Variants in CHUK observed in about 807,000 individuals in gnomAD.
The protein encoded by CHUK is inhibitor of nuclear factor kappa-B kinase subunit alpha.
In CHUK, 35 loss-of-function variants were observed where a neutral mutation model predicts 104.8. The observed-to-expected ratio is 0.33, with a 90% CI of 0.26 to 0.44. CHUK has a LOEUF of 0.44. Ranked by LOEUF, CHUK falls within the 20% of genes least tolerant of loss-of-function variation. The pLI, the probability that CHUK is intolerant of heterozygous loss-of-function variation, is 1.00. For missense variants in CHUK, 663 were observed against 902.7 expected (o/e 0.73, Z 3.40); for synonymous variants, 276 against 291.9 (o/e 0.95, Z 0.56).
At position 100,222,878 on chromosome 10, in the gene CHUK, T is replaced by C. The variant is rs746053958; in HGVS notation, c.303A>G (p.Gly101=). Residue 101 remains glycine (G), a synonymous_variant, in exon 3 of 21, where the codon GGA becomes GGG. Coordinates refer to ENST00000370397, the MANE Select transcript of CHUK (RefSeq NM_001278.5). The part of the protein sequence containing the change: ...PLLAMEYCSG[G]DLRKLLNKPE... ...ACATCCACACTACCTTTCGGAGATC[T>C]CCTCCAGAACAGTATTCCATTGCTA... The C allele has an allele frequency of 6.5e-6, 10 of 1,544,406 alleles. No homozygotes were observed. In the East Asian group the frequency reaches 2.2e-4, roughly 35 times the overall value.
At chr10:100,228,993 G>GCACACACACACACACACACACA (rs59218517) in intron 1 of CHUK, among the ~76,000 whole-genome samples, 18 of 133,556 alleles carry the variant, frequency 1.3e-4, no homozygotes, top group East Asian at 9.2e-4. Context: ...GCGCGCGCGC[G>GCACACACACACACACACACACA]CACACACACA....
In CHUK at chr10:100,194,135, G is replaced by C. The variant is rs757969477; in HGVS notation, c.1827-4C>G. The stretch of plus-strand genomic sequence containing the variant: ...CTGCTTACAGCCCAACAACTTGCTG[G>C]AGAGATTAAATCAGTGTCAGACACT... On this transcript the variant is annotated splice_region_variant and splice_polypyrimidine_tract_variant and intron_variant, in intron 17 of 20. Transcript: ENST00000370397. 1.9e-6 allele frequency: 3 copies of C among 1,613,126 alleles called. No homozygotes were observed. In the South Asian group the frequency reaches 3.3e-5, roughly 18 times the overall value.
chr10:100,191,101 G>A (rs1845190091), intron 19 of CHUK, 133 bp from the exon 20 acceptor site: 1 of 706,806 alleles, frequency 1.4e-6, no homozygotes, highest in East Asian at 2.7e-5. Context: ...GTTGACTCCT[G>A]TAGTCTTTAG....
intron 18 of CHUK, 119 bp from the exon 19 acceptor site, chr10:100,193,550 G>A: frequency 8.6e-7 from 1 of 1,159,858 alleles, no homozygotes; most frequent in Admixed American, 1.9e-5. Context: ...CACAACCAGA[G>A]TATTTCAGTA....
chr10:100,221,286 T>C (rs1364085212), intron 4 of CHUK, among the ~76,000 whole-genome samples: 3 of 151,924 alleles, frequency 2.0e-5, no homozygotes, highest in African/African-American at 7.3e-5. Flanking sequence ...AATACAAAAA[T>C]TAGCCAGGTG....
In CHUK at chr10:100,229,547, A is replaced by G. The variant is rs1019482609; in HGVS notation, c.-15T>C. The G allele has an allele frequency of 2.3e-5, 35 of 1,505,454 alleles. No individual in the cohort carries two copies. The African/African-American group carries it at 3.7e-4, about 16-fold the overall frequency. 93.3% of individuals were successfully genotyped at this position (1,505,454 alleles called of 1,614,324 possible). On this transcript the variant is annotated 5_prime_UTR_variant, in exon 1 of 21. Transcript: ENST00000370397. ...GGCCGCTCCATGGGGCGGGAGGGCA[A>G]GCGGCCTCAGGTTCCACAGTTGTTC...
chr10:100,218,748 C>G lies in CHUK; in HGVS notation c.767G>C (p.Ser256Thr), dbSNP rs1564839819. The change falls in exon 8 of 21, where the codon AGC (serine) becomes ACC (threonine). Residue 256 changes from serine (S) to threonine (T), a missense_variant. Ser to Thr is a moderately conservative substitution (Grantham distance 58). Coordinates refer to ENST00000370397, the MANE Select transcript of CHUK (RefSeq NM_001278.5). ...AAGGCTATTTGGTTGAGGTAAATGGCTACTAAACCGAACTTCTCCTGACAT... is the reference window on the plus strand; with the variant it reads ...AAGGCTATTTGGTTGAGGTAAATGGGTACTAAACCGAACTTCTCCTGACAT... ...EEMSGEVRFS[S>T]HLPQPNSLCS... 1.2e-6 allele frequency: 2 copies of G among 1,613,442 alleles called. No individual in the cohort carries two copies. Among genetic ancestry groups the G allele is most frequent in the Admixed American group, 3.3e-5 (2 of 60,020 alleles).
intron 3 of CHUK, 105 bp from the exon 4 acceptor site, chr10:100,222,286 T>TTC: frequency 1.5e-6 from 1 of 678,900 alleles, no homozygotes; most frequent in Non-Finnish European, 2.6e-6. Flanking sequence ...AATGAGAAAA[T>TTC]AAGTCATAAT....
intron 19 of CHUK, among the ~76,000 whole-genome samples, chr10:100,192,290 A>T (rs956687641): frequency 6.6e-6 from 1 of 152,240 alleles, no homozygotes; most frequent in Non-Finnish European, 1.5e-5. Context: ...AAAAGTAAGT[A>T]AAGTATTAAA....
chr10:100,193,608 C>G, intron 18 of CHUK, 177 bp from the exon 19 acceptor site: 1 of 749,982 alleles, frequency 1.3e-6, no homozygotes, highest in Non-Finnish European at 2.2e-6. Context: ...GTCCTTGGAC[C>G]CTTTCTTCAT....
chr10:100,217,841 C>T (rs575640217), intron 9 of CHUK, among the ~76,000 whole-genome samples, 154 bp downstream of exon 9: 3 of 152,306 alleles, frequency 2.0e-5, no homozygotes, highest in Non-Finnish European at 2.9e-5. Flanking sequence ...CATGCCACTG[C>T]ACTCCAGCCT....
At chr10:100,197,530 G>T (rs61701138) in intron 16 of CHUK, among the ~76,000 whole-genome samples, 1 of 152,050 alleles carries the variant, frequency 6.6e-6, no homozygotes, top group African/African-American at 2.4e-5. Context: ...AAAAATACTC[G>T]TGTCTTAATT....
rs17879862 is a variant in CHUK at position 100,207,009 on chromosome 10, TA to T, written c.1231+220del. On this transcript the variant is annotated intron_variant, in intron 11 of 20. Coordinates refer to ENST00000370397, the MANE Select transcript of CHUK (RefSeq NM_001278.5). ...TGTGAGAGCCCTATCCTCAAGAAAG[TA>T]AATCTTCTCTTGAATGATCTCATGG... 0.076 allele frequency among the ~76,000 whole-genome samples: 11,579 copies of T among 152,228 alleles called. 786 individuals carry two copies. Among genetic ancestry groups the T allele is most frequent in the African/African-American group, 0.18 (7,292 of 41,524 alleles).
At chr10:100,189,896 C>G (rs1442261332) in intron 20 of CHUK, 7 of 381,650 alleles carry the variant, frequency 1.8e-5, no homozygotes, top group Non-Finnish European at 2.9e-5. Flanking sequence ...AGTACAGTGG[C>G]TATTCACAAG....
Position 100,206,043 on chromosome 10 carries a change from T to C in CHUK, c.1232-844A>G, listed in dbSNP as rs1334295620. Among the ~76,000 whole-genome samples, 3 of 152,156 alleles carry C rather than the reference T, an allele frequency of 2.0e-5. No homozygotes were observed. The East Asian group carries it at 5.8e-4, about 29-fold the overall frequency. On this transcript the variant is annotated intron_variant, in intron 11 of 20. Transcript: ENST00000370397. ...CAAGGTCATCAAAAACAAGGACTAT[T>C]TGAAGTCTGACAAAATGTCACAGCA...
At position 100,190,020 on chromosome 10, in the gene CHUK, CTTTTTT is replaced by C. The variant is rs10549639; in HGVS notation, c.2209-399_2209-394del. The C allele has an allele frequency of 2.0e-4, 27 of 136,680 alleles. 1 individual carries two copies. The East Asian group carries it at 5.4e-3, about 28-fold the overall frequency. The allele number at this position is 136,680 out of a possible 1,614,324, so 8.5% of individuals were successfully genotyped here. A position where few individuals can be genotyped will look rare whatever the true frequency, so the allele number is the denominator to read the frequency against. ...TGTCATATGGCTGGCCACCATTATC[CTTTTTT>C]TTTTTTTTTTTCCCCGAGACAAAGT... On this transcript the variant is annotated intron_variant, in intron 20 of 20. Coordinates refer to ENST00000370397, the MANE Select transcript of CHUK (RefSeq NM_001278.5).
chr10:100,196,030 C>G (rs1845317719), intron 16 of CHUK: 1 of 152,182 alleles, frequency 6.6e-6, no homozygotes, highest in South Asian at 2.1e-4. Context: ...CCTCTGCCTC[C>G]CTGGTTCAAG....
intron 2 of CHUK, among the ~76,000 whole-genome samples, chr10:100,225,201 CTG>C (rs1846078419): frequency 6.6e-6 from 1 of 152,174 alleles, no homozygotes; most frequent in Admixed American, 6.5e-5. Flanking sequence ...CTGCACAAAA[CTG>C]TTTAATTCTG....
intron 9 of CHUK, 80 bp from the exon 10 acceptor site, chr10:100,209,869 T>C (rs1051212766): frequency 4.3e-6 from 3 of 693,178 alleles, no homozygotes; most frequent in Non-Finnish European, 7.7e-6. Context: ...AAAAGGTGAA[T>C]ATGGGCAAAA....
Sources: gnomAD v4.1 joint callset for allele counts (sites outside exome capture counted in the v4.1 genomes callset) on GRCh38, gnomAD v4.1.1 for gene constraint, MANE v1.5 for transcripts, NCBI Gene and HGNC (gene_info 2026-07-23, HGNC 2026-07-21) for gene names.